HEATR1: variants seen among roughly 807,000 people sequenced by gnomAD.
HEATR1 encodes the protein HEAT repeat containing 1, also known as HEAT repeat-containing protein 1.
In HEATR1, 77 loss-of-function variants were observed where a neutral mutation model predicts 248.2. The ratio of observed to expected loss-of-function variants is 0.31; its 90% CI spans 0.26 to 0.37. The LOEUF is 0.37. HEATR1 is among the 10% of genes least tolerant of loss of function. The pLI is 1.00. For missense variants in HEATR1, 2,420 were observed against 2,504.9 expected (o/e 0.97, Z 0.72); for synonymous variants, 897 against 923.1 (o/e 0.97, Z 0.51).
rs1338174745 is a variant in HEATR1, at chr1:236,556,271, A to T, written c.5356-13T>A. ...CCAGATGAATCACCTACAGGAATATAAAAAAAGTGATCAGGGCCACTGCAG... is the reference window on the plus strand; with the variant it reads ...CCAGATGAATCACCTACAGGAATATTAAAAAAGTGATCAGGGCCACTGCAG... On this transcript the variant is annotated splice_polypyrimidine_tract_variant and intron_variant, in intron 37 of 44. Transcript: ENST00000366582. 6.2e-7 allele frequency: 1 copy of T among 1,611,764 alleles called. No individual in the cohort carries two copies. The highest frequency in any genetic ancestry group is 8.5e-7 in the Non-Finnish European group (1 of 1,178,242).
chr1:236,595,236 A>C (rs976982351), intron 8 of HEATR1, among the ~76,000 whole-genome samples: 1 of 152,184 alleles, frequency 6.6e-6, no homozygotes, highest in Non-Finnish European at 1.5e-5. Context: ...GAGAAGGCAA[A>C]GGTTTACTCA....
chr1:236,553,615 T>C lies in HEATR1; in HGVS notation c.6203A>G (p.Gln2068Arg), dbSNP rs1450263590. 4 of 1,614,034 alleles carry C rather than the reference T, an allele frequency of 2.5e-6. No homozygotes were observed. Among genetic ancestry groups the C allele is most frequent in the Admixed American group, 1.7e-5 (1 of 60,014 alleles). ...GGAGTCTCTCGTCTTTAGCAGAATC[T>C]GGTAGTTCAGTGGTTTCCAAAGAGA... ...DDSLWKPLNY[Q>R]ILLKTRDSSP... Residue 2068 changes from glutamine to arginine, a missense_variant, in exon 43 of 45, where the codon CAG becomes CGG. Transcript: ENST00000366582.
intron 44 of HEATR1, 118 bp downstream of exon 44, chr1:236,551,881 C>A: frequency 1.4e-6 from 1 of 700,142 alleles, no homozygotes; most frequent in Non-Finnish European, 2.5e-6. Flanking sequence ...TGTATGAGGA[C>A]TGGATCAACT....
intron 20 of HEATR1, among the ~76,000 whole-genome samples, chr1:236,579,952 A>G (rs1378086950): frequency 6.6e-6 from 1 of 151,314 alleles, no homozygotes; most frequent in Non-Finnish European, 1.5e-5. Context: ...AAGAAACAAA[A>G]CAAAAAAAAA....
In HEATR1 at chr1:236,581,205, A is replaced by G. The variant is rs1404984510; in HGVS notation, c.2755+17T>C. ...ACAGTTGGTCATGACAAAACATAAC[A>G]ATGCTACTTTTAATACCTGGAGAAG... On this transcript the variant is annotated intron_variant, in intron 20 of 44. Coordinates refer to ENST00000366582, the MANE Select transcript of HEATR1 (RefSeq NM_018072.6). The G allele has an allele frequency of 1.0e-5, 16 of 1,593,618 alleles. No homozygotes were observed. The highest frequency in any genetic ancestry group is 1.7e-4 in the Middle Eastern group (1 of 6,044).
Position 236,596,049 on chromosome 1 carries a change from A to G in HEATR1, c.745-5T>C, listed in dbSNP as rs749459430. 8 of 1,577,166 alleles carry G rather than the reference A, an allele frequency of 5.1e-6. No homozygotes were observed. Among genetic ancestry groups the G allele is most frequent in the Non-Finnish European group, 7.0e-6 (8 of 1,150,362 alleles). ...TGGTAAAGATGATTTCAATCCCTAAATATTTTTTAAATATAAGGAAAAATG... is the reference window on the plus strand; with the variant it reads ...TGGTAAAGATGATTTCAATCCCTAAGTATTTTTTAAATATAAGGAAAAATG... On this transcript the variant is annotated splice_polypyrimidine_tract_variant and splice_region_variant and intron_variant, in intron 6 of 44. Transcript: ENST00000366582.
chr1:236,552,458 CAGCCCGCCAGGCTGGCAAT>C (rs770555705), intron 43 of HEATR1: 17 of 164,542 alleles, frequency 1.0e-4, no homozygotes, highest in Admixed American at 2.5e-4. Context: ...TGGCGCTCGC[CAGCCCGCCAGGCTGGCAAT>C]AAAGTGCCTC....
intron 33 of HEATR1, 29 bp downstream of exon 33, chr1:236,561,196 A>C: frequency 6.6e-7 from 1 of 1,521,478 alleles, no homozygotes; most frequent in South Asian, 1.1e-5. Context: ...ATTTCCAAAT[A>C]AAAAGTAGAA....
At chr1:236,552,190 C>A (rs1164137919) in intron 43 of HEATR1, 83 bp from the exon 44 acceptor site, 6 of 881,646 alleles carry the variant, frequency 6.8e-6, no homozygotes, top group Non-Finnish European at 1.1e-5. Context: ...TTGAGACAAG[C>A]TCTAACTTTT....
Position 236,566,089 on chromosome 1 carries a change from T to C in HEATR1, c.4309-44A>G, listed in dbSNP as rs757091127. On this transcript the variant is annotated intron_variant, in intron 30 of 44. Transcript: ENST00000366582. ...AGGTAACAAATCTGTACTTAGGAAT[T>C]GTGAAGGCATAATTTCAGGATAATG... 7 of 1,584,866 alleles carry C rather than the reference T, an allele frequency of 4.4e-6. No homozygotes were observed. The Admixed American group carries it at 5.2e-5, about 12-fold the overall frequency.
intron 20 of HEATR1, among the ~76,000 whole-genome samples, chr1:236,581,006 G>T (rs1320946739): frequency 6.6e-6 from 1 of 151,660 alleles, no homozygotes; most frequent in Non-Finnish European, 1.5e-5. Context: ...TTTTAGTAGA[G>T]ACGGGGTTTC....
rs954461897 is a variant in HEATR1, at chr1:236,552,220, G to A, written c.6238-113C>T. 1.1e-4 allele frequency: 72 copies of A among 630,698 alleles called. No homozygotes were observed. In the African/African-American group the frequency reaches 1.2e-3, roughly 11 times the overall value. The allele number at this position is 630,698 out of a possible 1,614,324, so 39.1% of individuals were successfully genotyped here. ...ACTTTTTAAACATTAGTTCACATGC[G>A]TTTATTCACTTCATTATGTTCATTA... On this transcript the variant is annotated intron_variant, in intron 43 of 44. Transcript: ENST00000366582.
At chr1:236,569,895 G>A (rs956557013) in intron 28 of HEATR1, among the ~76,000 whole-genome samples, 4 of 152,132 alleles carry the variant, frequency 2.6e-5, no homozygotes, top group African/African-American at 7.2e-5. Flanking sequence ...TCCATCAACC[G>A]ATGAACAGAT....
intron 24 of HEATR1, chr1:236,573,962 C>T: frequency 3.2e-6 from 1 of 307,898 alleles, no homozygotes; most frequent in Non-Finnish European, 5.9e-6. Flanking sequence ...CACACACACA[C>T]ATATTCCTAC....
intron 30 of HEATR1, among the ~76,000 whole-genome samples, chr1:236,566,273 C>T (rs1018343817): frequency 1.3e-5 from 2 of 152,184 alleles, no homozygotes; most frequent in African/African-American, 4.8e-5. Flanking sequence ...GTCTTACTGA[C>T]TTCAGGGACA....
intron 36 of HEATR1, 130 bp from the exon 37 acceptor site, chr1:236,557,475 A>C: frequency 1.2e-6 from 1 of 860,240 alleles, no homozygotes; most frequent in Non-Finnish European, 1.8e-6. Context: ...TAGCCTAAAA[A>C]GCAGTGTCTA....
At chr1:236,554,526 G>T in intron 42 of HEATR1, 72 bp downstream of exon 42, 1 of 1,324,790 alleles carries the variant, frequency 7.5e-7, no homozygotes, top group Non-Finnish European at 1.0e-6. Flanking sequence ...TGTCATTTGA[G>T]CAGATCTAAA....
In HEATR1 at chr1:236,555,406, T is replaced by G; in HGVS notation, c.5813A>C (p.Asn1938Thr). ...APKDRLLTFY[N>T]LADCIAEKLK... ...CTTTTCAGCAATGCAATCTGCCAAG[T>G]TGTAAAATGTCAACAACCTGTCCTT... The change falls in exon 41 of 45, where the codon AAC (asparagine) becomes ACC (threonine). Residue 1938 changes from asparagine to threonine, a missense_variant. Coordinates refer to ENST00000366582, the MANE Select transcript of HEATR1 (RefSeq NM_018072.6). The G allele has an allele frequency of 1.2e-6, 2 of 1,614,214 alleles. No homozygotes were observed. The highest frequency in any genetic ancestry group is 1.7e-6 in the Non-Finnish European group (2 of 1,180,036).
At chr1:236,593,158 C>T (rs1392121627) in intron 9 of HEATR1, among the ~76,000 whole-genome samples, 4 of 151,696 alleles carry the variant, frequency 2.6e-5, no homozygotes, top group Non-Finnish European at 5.9e-5. Flanking sequence ...TGTGCCATTG[C>T]ACTCCAGCCT....
Sources: gnomAD v4.1 joint callset for allele counts (sites outside exome capture counted in the v4.1 genomes callset) on GRCh38, gnomAD v4.1.1 for gene constraint, MANE v1.5 for transcripts, NCBI Gene and HGNC (gene_info 2026-07-23, HGNC 2026-07-21) for gene names.